Variants in ADGRL2 observed in about 807,000 individuals in gnomAD.
ADGRL2 encodes the protein adhesion G protein-coupled receptor L2, also known as calcium-independent alpha-latrotoxin receptor 2.
Under a neutral mutation model 157.4 loss-of-function variants are expected in ADGRL2, and 44 were observed. That is an observed-to-expected ratio of 0.28 (90% CI 0.22 to 0.36). ADGRL2 has a LOEUF of 0.36. Ranked by LOEUF, ADGRL2 falls within the 10% of genes least tolerant of loss-of-function variation. The pLI, the probability that ADGRL2 is intolerant of heterozygous loss-of-function variation, is 1.00. For missense variants in ADGRL2, 1,510 were observed against 1,768.9 expected (o/e 0.85, Z 2.63); for synonymous variants, 585 against 624.7 (o/e 0.94, Z 0.95).
chr1:81,374,200 G>A (rs2076207299), intron 1 of ADGRL2, among the ~76,000 whole-genome samples: 1 of 152,098 alleles, frequency 6.6e-6, no homozygotes, highest in South Asian at 2.1e-4. Flanking sequence ...CCCAGTTATT[G>A]ACTCAAAACC....
At chr1:81,558,721 T>G (rs1200438606) in intron 2 of ADGRL2, among the ~76,000 whole-genome samples, 2 of 152,242 alleles carry the variant, frequency 1.3e-5, no homozygotes, top group African/African-American at 2.4e-5. Context: ...TGGTACCTGG[T>G]TAACTTTCAA....
intron 3 of ADGRL2, among the ~76,000 whole-genome samples, chr1:81,613,761 G>A (rs897857651): frequency 1.2e-4 from 18 of 152,326 alleles, no homozygotes; most frequent in Middle Eastern, 3.4e-3. Flanking sequence ...TAGGAGTGGG[G>A]AGGGGTTAGC....
chr1:81,357,983 GTAA>G (rs1041647520), intron 1 of ADGRL2, among the ~76,000 whole-genome samples: 9 of 152,148 alleles, frequency 5.9e-5, no homozygotes, highest in African/African-American at 2.2e-4. Context: ...GAATATGGGG[GTAA>G]TAATAAAGTA....
At chr1:81,645,261 G>T (rs996125794) in intron 3 of ADGRL2, among the ~76,000 whole-genome samples, 2 of 151,758 alleles carry the variant, frequency 1.3e-5, no homozygotes, top group African/African-American at 2.4e-5. Context: ...CCATGGTGGT[G>T]CGTGCCTGTA....
chr1:81,427,590 G>C, intron 1 of ADGRL2: 1 of 725,652 alleles, frequency 1.4e-6, no homozygotes, highest in South Asian at 1.4e-5. Flanking sequence ...GGACATGGTG[G>C]ATATAGGAGC....
intron 2 of ADGRL2, among the ~76,000 whole-genome samples, chr1:81,467,110 G>C (rs1046981254): frequency 4.0e-5 from 6 of 151,532 alleles, no homozygotes; most frequent in African/African-American, 1.5e-4. Context: ...TGGACAATAA[G>C]ACTGCTGAAC....
intron 3 of ADGRL2, 81 bp from the exon 4 acceptor site, chr1:81,936,647 G>A (rs2095314496): frequency 1.3e-6 from 1 of 761,262 alleles, no homozygotes; most frequent in African/African-American, 1.8e-5. Flanking sequence ...TAAAGAAAAT[G>A]AGAAAAACTT....
chr1:81,433,608 A>G (rs114114073), intron 1 of ADGRL2, among the ~76,000 whole-genome samples: 146 of 152,298 alleles, frequency 9.6e-4, no homozygotes, highest in African/African-American at 3.4e-3. Context: ...TTGAATTCAG[A>G]TTCTACCCTT....
Position 81,868,780 on chromosome 1 carries a change from C to T in ADGRL2, c.73+31723C>T, listed in dbSNP as rs192083691. Among the ~76,000 whole-genome samples the T allele has an allele frequency of 2.7e-4, 41 of 151,864 alleles. No individual in the cohort carries two copies. In the East Asian group the frequency reaches 7.7e-3, roughly 29 times the overall value. On this transcript the variant is annotated intron_variant, in intron 2 of 23. Coordinates refer to ENST00000686636, the MANE Select transcript of ADGRL2 (RefSeq NM_001366006.2). ...AACATGAACCTGTTTATCTATTTTA[C>T]ATCTTTTTTGGGGGGAAAGGTCCCT...
At chr1:81,376,032 C>T (rs1372195342) in intron 1 of ADGRL2, among the ~76,000 whole-genome samples, 1 of 152,000 alleles carries the variant, frequency 6.6e-6, no homozygotes, top group Non-Finnish European at 1.5e-5. Flanking sequence ...CAATATATAC[C>T]AGCATCTACC....
chr1:81,957,061 G>A (rs1406278702), intron 11 of ADGRL2, among the ~76,000 whole-genome samples: 1 of 151,628 alleles, frequency 6.6e-6, no homozygotes, highest in African/African-American at 2.4e-5. Flanking sequence ...TTTTTAAAAA[G>A]AAATGAAATA....
chr1:81,957,119 A>G (rs1246976821), intron 11 of ADGRL2, among the ~76,000 whole-genome samples: 1 of 151,924 alleles, frequency 6.6e-6, no homozygotes, highest in African/African-American at 2.4e-5. Context: ...GGGAATGAAA[A>G]ATCAGTAATT....
chr1:81,840,642 G>T (rs2092537495), intron 2 of ADGRL2, among the ~76,000 whole-genome samples: 1 of 151,902 alleles, frequency 6.6e-6, no homozygotes, highest in African/African-American at 2.4e-5. Context: ...AAATTTACCT[G>T]TTTGTGTAAG....
chr1:81,537,271 TC>T (rs2079763160), intron 2 of ADGRL2, among the ~76,000 whole-genome samples: 1 of 152,106 alleles, frequency 6.6e-6, no homozygotes, highest in Non-Finnish European at 1.5e-5. Context: ...TATGACTATT[TC>T]TTTTTTTTGT....
At chr1:81,902,131 G>A (rs1055094202) in intron 2 of ADGRL2, among the ~76,000 whole-genome samples, 1 of 152,132 alleles carries the variant, frequency 6.6e-6, no homozygotes, top group African/African-American at 2.4e-5. Flanking sequence ...AAGATTTCCC[G>A]ATTGGCAACT....
At chr1:81,569,779 C>T (rs543374419) in intron 2 of ADGRL2, among the ~76,000 whole-genome samples, 2 of 152,198 alleles carry the variant, frequency 1.3e-5, no homozygotes, top group African/African-American at 2.4e-5. Flanking sequence ...CACTGCACTC[C>T]AGCCCTGATG....
At chr1:81,633,964 G>A (rs2082063603) in intron 3 of ADGRL2, among the ~76,000 whole-genome samples, 1 of 152,094 alleles carries the variant, frequency 6.6e-6, no homozygotes, top group African/African-American at 2.4e-5. Context: ...AGACTTGCGG[G>A]TGCCAGTAGT....
chr1:81,540,111 G>T (rs192759313), intron 2 of ADGRL2, among the ~76,000 whole-genome samples: 7 of 152,252 alleles, frequency 4.6e-5, no homozygotes, highest in Admixed American at 4.6e-4. Flanking sequence ...TCTGTAAAAT[G>T]AGTAAAGGGG....
At chr1:81,560,468 C>T (rs1311124027) in intron 2 of ADGRL2, among the ~76,000 whole-genome samples, 1 of 152,150 alleles carries the variant, frequency 6.6e-6, no homozygotes, top group East Asian at 1.9e-4. Context: ...CCTAGAGCAT[C>T]GTATTCCACA....
Sources: allele counts gnomAD v4.1 joint callset (sites outside exome capture counted in the v4.1 genomes callset), GRCh38; gene constraint gnomAD v4.1.1; transcripts MANE v1.5; gene names NCBI Gene and HGNC (gene_info 2026-07-23, HGNC 2026-07-21).